Variants in REXO1 observed in about 807,000 individuals in gnomAD.
The protein encoded by REXO1 is REX1, RNA exonuclease 1 homolog.
REXO1 carries 42 observed loss-of-function variants against 102.6 expected under a neutral mutation model. That is an observed-to-expected ratio of 0.41 (90% CI 0.32 to 0.53). The LOEUF is 0.53. Ranked by LOEUF, REXO1 falls within the 20% of genes least tolerant of loss-of-function variation. The pLI is 0.27. For missense variants in REXO1, 1,819 were observed against 1,732.5 expected (o/e 1.05, Z -0.89); for synonymous variants, 908 against 779.1 (o/e 1.17, Z -2.76).
In REXO1 at chr19:1,826,558, G is replaced by A. The variant is rs1390767831; in HGVS notation, c.1911+320C>T. On this transcript the variant is annotated intron_variant, in intron 2 of 15. Transcript: ENST00000170168. The surrounding 1 kb of genome is among the most constrained non-coding windows in gnomAD (Gnocchi z 4.3). Reference sequence around the variant, plus strand: ...GAGGGGCTAGAAGGGTGTGCCGGAGGTGGATTCCCCTGAGGTGGGTGGGTG... The same window carrying A: ...GAGGGGCTAGAAGGGTGTGCCGGAGATGGATTCCCCTGAGGTGGGTGGGTG... Among the ~76,000 whole-genome samples the A allele has an allele frequency of 6.6e-6, 1 of 151,536 alleles. No individual in the cohort carries two copies. The highest frequency in any genetic ancestry group is 2.4e-5 in the African/African-American group (1 of 41,178).
At chr19:1,841,470 A>G (rs1280878962) in intron 1 of REXO1, among the ~76,000 whole-genome samples, 1 of 152,222 alleles carries the variant, frequency 6.6e-6, no homozygotes, top group Non-Finnish European at 1.5e-5. Context: ...TCACACTCAG[A>G]TGCCACGACC....
chr19:1,834,133 G>A (rs2069976216), intron 1 of REXO1, among the ~76,000 whole-genome samples: 1 of 152,120 alleles, frequency 6.6e-6, no homozygotes, highest in Non-Finnish European at 1.5e-5. Flanking sequence ...CTAAGACACA[G>A]CCTGCAAGAT....
At position 1,816,763 on chromosome 19, in the gene REXO1, C is replaced by T. The variant is rs761109627; in HGVS notation, c.3252G>A (p.Thr1084=). The change falls in exon 13 of 16, where the codon ACG becomes ACA. Residue 1084 remains threonine (T), a synonymous_variant. Transcript: ENST00000170168. ...LELTRVTVVD[T]DVHVVYDTFV... Reference sequence around the variant, plus strand: ...AGGTGTCATAAACCACGTGCACGTCCGTGTCGACCACCGTGACGCGCGTCA... The same window carrying T: ...AGGTGTCATAAACCACGTGCACGTCTGTGTCGACCACCGTGACGCGCGTCA... 3.1e-6 allele frequency: 5 copies of T among 1,610,640 alleles called. No homozygotes were observed. The highest frequency in any genetic ancestry group is 1.6e-4 in the Middle Eastern group (1 of 6,082).
chr19:1,840,285 G>A (rs888143586), intron 1 of REXO1, among the ~76,000 whole-genome samples: 1 of 152,146 alleles, frequency 6.6e-6, no homozygotes, highest in Admixed American at 6.5e-5. Flanking sequence ...GAAGGGGAAG[G>A]AAACACTGAC....
chr19:1,823,947 G>A (rs1031414001), intron 3 of REXO1, 162 bp from the exon 4 acceptor site: 9 of 397,046 alleles, frequency 2.3e-5, no homozygotes, highest in African/African-American at 6.2e-5. Context: ...AAGCAGCAGG[G>A]GGCAGTGGTC....
At position 1,827,139 on chromosome 19, in the gene REXO1, T is replaced by C; in HGVS notation, c.1650A>G (p.Ser550=). 1.3e-6 allele frequency: 2 copies of C among 1,542,296 alleles called. No homozygotes were observed. The highest frequency in any genetic ancestry group is 1.7e-6 in the Non-Finnish European group (2 of 1,146,306). Residue 550 remains serine, a synonymous_variant, in exon 2 of 16, where the codon TCA becomes TCG. Coordinates refer to ENST00000170168, the MANE Select transcript of REXO1 (RefSeq NM_020695.4). The part of the protein sequence containing the change: ...PSALPSLSSD[S]DSDSDSSLGF... ...CCAGGCTGGAGTCTGAGTCGGAGTCTGAGTCCGAGCTGAGGCTGGGGAGGG... is the reference window on the plus strand; with the variant it reads ...CCAGGCTGGAGTCTGAGTCGGAGTCCGAGTCCGAGCTGAGGCTGGGGAGGG...
chr19:1,833,020 A>T (rs925409668), intron 1 of REXO1, among the ~76,000 whole-genome samples: 6 of 152,052 alleles, frequency 3.9e-5, no homozygotes, highest in African/African-American at 1.4e-4. Context: ...GCTTGAGTTC[A>T]AGACCAGCCT....
intron 1 of REXO1, among the ~76,000 whole-genome samples, chr19:1,840,521 C>G (rs1016817957): frequency 3.3e-5 from 5 of 152,128 alleles, no homozygotes; most frequent in Non-Finnish European, 7.4e-5. Flanking sequence ...AGGCTTTCCT[C>G]GAGCTGTCTC....
At chr19:1,839,517 C>A (rs1323947361) in intron 1 of REXO1, among the ~76,000 whole-genome samples, 4 of 152,230 alleles carry the variant, frequency 2.6e-5, no homozygotes, top group Non-Finnish European at 5.9e-5. Flanking sequence ...TAAGGAGGAA[C>A]CCACACACCA....
intron 3 of REXO1, chr19:1,824,138 A>G (rs2069636217): frequency 4.6e-6 from 1 of 218,806 alleles, no homozygotes. Context: ...CTGGGACTGG[A>G]GCAACTGGGA....
intron 1 of REXO1, chr19:1,834,991 C>T (rs1392497799): frequency 4.6e-6 from 2 of 431,060 alleles, no homozygotes; most frequent in Non-Finnish European, 9.4e-6. Flanking sequence ...CTGGGCGCTC[C>T]AGCCAGGTCT....
chr19:1,830,506 C>T (rs939790432), intron 1 of REXO1, among the ~76,000 whole-genome samples: 2 of 152,180 alleles, frequency 1.3e-5, no homozygotes, highest in African/African-American at 4.8e-5. Context: ...AAGACCCCAG[C>T]TCTTAAAAAA....
intron 1 of REXO1, among the ~76,000 whole-genome samples, chr19:1,846,673 G>C (rs1410146800): frequency 6.6e-6 from 1 of 152,136 alleles, no homozygotes; most frequent in African/African-American, 2.4e-5. Flanking sequence ...AGGTCGGCTC[G>C]AGGCCAGGAG....
intron 11 of REXO1, 50 bp from the exon 12 acceptor site, chr19:1,817,379 G>T: frequency 6.2e-7 from 1 of 1,601,464 alleles, no homozygotes. Context: ...CAGTGGGGGC[G>T]GGGGTGGCAG....
Position 1,838,597 on chromosome 19 carries a change from G to A in REXO1, c.157+9605C>T, listed in dbSNP as rs573872691. On this transcript the variant is annotated intron_variant, in intron 1 of 15. Transcript: ENST00000170168. ...GGAGAATCGTTTGAACTCGGGAGGC[G>A]GACGTTGCGGTGAGCCGAGATCGTG... is the stretch of plus-strand genomic sequence containing the variant. 1.4e-3 allele frequency among the ~76,000 whole-genome samples: 207 copies of A among 151,528 alleles called. 1 individual carries two copies. Among genetic ancestry groups the A allele is most frequent in the African/African-American group, 3.9e-3 (162 of 41,284 alleles).
chr19:1,825,619 GCAC>G (rs1374210635), intron 3 of REXO1, among the ~76,000 whole-genome samples: 1 of 151,926 alleles, frequency 6.6e-6, no homozygotes, highest in African/African-American at 2.4e-5. Flanking sequence ...GGTATTACAG[GCAC>G]CCATCACCAT....
rs778345097 is a variant in REXO1 at position 1,827,267 on chromosome 19, C to A, written c.1522G>T (p.Ala508Ser). 1.9e-6 allele frequency: 3 copies of A among 1,558,660 alleles called. No individual in the cohort carries two copies. Among genetic ancestry groups the A allele is most frequent in the Admixed American group, 1.9e-5 (1 of 52,872 alleles). The change falls in exon 2 of 16, where the codon GCC (alanine) becomes TCC (serine). Residue 508 changes from alanine (A) to serine (S), a missense_variant. Physicochemically the swap from Ala to Ser is moderately conservative, Grantham distance 99. Coordinates refer to ENST00000170168, the MANE Select transcript of REXO1 (RefSeq NM_020695.4). ...AGGGCCCGCTTCTTCAGCTTGGGGG[C>A]GTCCTGGGAGGCGCCCTCGTCTAGT... ...RSLDEGASQD[A>S]PKLKKRALSH... is the part of the protein sequence containing the mutation.
rs924421865 is a variant in REXO1, at chr19:1,815,962, G to A, written c.*104C>T. 6.5e-6 allele frequency: 10 copies of A among 1,535,400 alleles called. No homozygotes were observed. Among genetic ancestry groups the A allele is most frequent in the Non-Finnish European group, 8.7e-6 (10 of 1,146,622 alleles). ...CATCCCGCTGCTCTGGGCTGCCTCG[G>A]CCAGGTGGACGGGTTACCGGAGATT... On this transcript the variant is annotated 3_prime_UTR_variant, in exon 16 of 16. Transcript: ENST00000170168. The surrounding 1 kb of genome is among the most constrained non-coding windows in gnomAD (Gnocchi z 4.0).
At position 1,823,449 on chromosome 19, in the gene REXO1, G is replaced by A. The variant is rs1599133481; in HGVS notation, c.2230+123C>T. Reference sequence around the variant, plus strand: ...GCAGGCTGAGGGCCCCAGGGAGGGGGCCCAAAGTCATCCCATGAGCAAGCA... The same window carrying A: ...GCAGGCTGAGGGCCCCAGGGAGGGGACCCAAAGTCATCCCATGAGCAAGCA... On this transcript the variant is annotated intron_variant, in intron 4 of 15. Coordinates refer to ENST00000170168, the MANE Select transcript of REXO1 (RefSeq NM_020695.4). 7.6e-6 allele frequency: 5 copies of A among 655,016 alleles called. No individual in the cohort carries two copies. The East Asian group carries it at 1.0e-4, about 14-fold the overall frequency. 40.6% of individuals were successfully genotyped at this position (655,016 alleles called of 1,614,324 possible). A position where few individuals can be genotyped will look rare whatever the true frequency, so the allele number is the denominator to read the frequency against.
Sources: gnomAD v4.1 joint callset for allele counts (sites outside exome capture counted in the v4.1 genomes callset) on GRCh38, gnomAD v4.1.1 for gene constraint, Gnocchi (gnomAD v3.1) non-coding constraint, MANE v1.5 for transcripts, NCBI Gene and HGNC (gene_info 2026-07-23, HGNC 2026-07-21) for gene names.